FANCD2: variants seen among roughly 807,000 people sequenced by gnomAD.
FANCD2 encodes the protein FA complementation group D2, also known as Fanconi anemia group D2 protein.
A neutral mutation model predicts 192.3 loss-of-function variants in FANCD2; 131 were observed. The observed-to-expected ratio is 0.68, with a 90% CI of 0.59 to 0.79. The LOEUF is 0.79. FANCD2 is among the 30% of genes least tolerant of loss of function. FANCD2 has a pLI of 0.00. For synonymous variants in FANCD2, 524 were observed against 612.5 expected, an observed-to-expected ratio of 0.86 and a Z score of 2.13; for missense variants, 1,508 against 1,701.6, an observed-to-expected ratio of 0.89 and a Z score of 2.00.
chr3:10,088,150 C>T (rs1694346323), intron 34 of FANCD2, among the ~76,000 whole-genome samples: 1 of 152,186 alleles, frequency 6.6e-6, no homozygotes, highest in African/African-American at 2.4e-5. Flanking sequence ...CTTCCCACTG[C>T]CCAGCAGCAT....
Position 10,067,198 on chromosome 3 carries a change from G to T in FANCD2, c.2386-11G>T. The T allele has an allele frequency of 1.3e-6, 2 of 1,533,468 alleles. No homozygotes were observed. Among genetic ancestry groups the T allele is most frequent in the East Asian group, 2.3e-5 (1 of 44,432 alleles). The allele number at this position is 1,533,468 out of a possible 1,614,324, so 95.0% of individuals were successfully genotyped here. ...ATTTGGAAGTATGAGAATGTAATTT[G>T]TACTTTGCAGATTGTAAATGCCTTC... is the stretch of plus-strand genomic sequence containing the variant. On this transcript the variant is annotated splice_polypyrimidine_tract_variant and intron_variant, in intron 25 of 43. Coordinates refer to ENST00000675286, the MANE Select transcript of FANCD2 (RefSeq NM_001018115.3).
chr3:10,084,867 T>C (rs1304109845), intron 32 of FANCD2, among the ~76,000 whole-genome samples: 2 of 152,086 alleles, frequency 1.3e-5, no homozygotes, highest in East Asian at 3.9e-4. Context: ...CATAATACAA[T>C]GAAAGCAGTG....
intron 16 of FANCD2, among the ~76,000 whole-genome samples, chr3:10,048,394 C>T (rs1247451322): frequency 2.0e-5 from 3 of 152,200 alleles, no homozygotes; most frequent in Non-Finnish European, 4.4e-5. Context: ...ACCTTCACCT[C>T]CTGGGTTCAA....
chr3:10,094,205 T>C, intron 39 of FANCD2, 84 bp from the exon 40 acceptor site: 1 of 985,612 alleles, frequency 1.0e-6, no homozygotes. Context: ...AATAAAACCC[T>C]TGGGCTGGAT....
intron 29 of FANCD2, among the ~76,000 whole-genome samples, chr3:10,076,395 T>TTA (rs1559396679): frequency 1.3e-5 from 2 of 152,108 alleles, no homozygotes; most frequent in Admixed American, 6.5e-5. Context: ...ACAGAGGAAT[T>TTA]TATAGAGAAA....
intron 6 of FANCD2, 118 bp from the exon 7 acceptor site, chr3:10,036,169 C>A: frequency 6.1e-6 from 4 of 655,104 alleles, no homozygotes; most frequent in Non-Finnish European, 8.2e-6. Flanking sequence ...TCACTGCAAT[C>A]TCTGCCTTCC....
intron 36 of FANCD2, 123 bp downstream of exon 36, chr3:10,089,073 C>A: frequency 8.7e-7 from 1 of 1,144,268 alleles, no homozygotes; most frequent in Non-Finnish European, 1.3e-6. Flanking sequence ...ACCTTGAGGT[C>A]AGGAGTTTTG....
In FANCD2 at chr3:10,074,550, A is replaced by G; in HGVS notation, c.2736A>G (p.Glu912=). 6.2e-7 allele frequency: 1 copy of G among 1,613,824 alleles called. No homozygotes were observed. Among genetic ancestry groups the G allele is most frequent in the Non-Finnish European group, 8.5e-7 (1 of 1,179,890 alleles). The change falls in exon 29 of 44, where the codon GAA becomes GAG. Residue 912 remains glutamate (E), a synonymous_variant. Transcript: ENST00000675286. ...CATAGGAGTTCACAGGGAAGGAAGAAAAGACATCATTGTTACTACATAATT... is the reference window on the plus strand; with the variant it reads ...CATAGGAGTTCACAGGGAAGGAAGAGAAGACATCATTGTTACTACATAATT... The part of the protein sequence containing the change: ...QLNKEFTGKE[E]KTSLLLHNSH...
At chr3:10,058,558 A>G (rs1468465810) in intron 18 of FANCD2, among the ~76,000 whole-genome samples, 1 of 152,220 alleles carries the variant, frequency 6.6e-6, no homozygotes, top group Non-Finnish European at 1.5e-5. Flanking sequence ...ATTCTTTTGC[A>G]CATGGATATC....
At position 10,095,262 on chromosome 3, in the gene FANCD2, T is replaced by A; in HGVS notation, c.4026T>A (p.Cys1342Ter). 6.2e-7 allele frequency: 1 copy of A among 1,614,092 alleles called. No homozygotes were observed. The highest frequency in any genetic ancestry group is 8.5e-7 in the Non-Finnish European group (1 of 1,179,950). ...ACACAAGGCTGCTTCATCACCTGTG[T>A]GGGCATTCCAAGGTAAGAAGGGGAG... ...QLDTRLLHHL[C>*]GHSKIHQDTR... is the part of the protein sequence containing the mutation. Residue 1342 changes from cysteine to a stop codon, truncating the protein, a stop_gained, in exon 41 of 44, where the codon TGT (cysteine) becomes TGA (stop). Coordinates refer to ENST00000675286, the MANE Select transcript of FANCD2 (RefSeq NM_001018115.3). LOFTEE classifies it high-confidence loss of function.
chr3:10,031,478 G>A (rs1169248975), intron 2 of FANCD2, among the ~76,000 whole-genome samples: 1 of 149,982 alleles, frequency 6.7e-6, no homozygotes, highest in Non-Finnish European at 1.5e-5. Context: ...CTCCAGCCTG[G>A]GCGACAGAGC....
Position 10,072,931 on chromosome 3 carries a change from C to G in FANCD2, c.2555C>G (p.Pro852Arg), listed in dbSNP as rs375827113. The change falls in exon 27 of 44, where the codon CCT (proline) becomes CGT (arginine). Residue 852 changes from proline (P) to arginine (R), a missense_variant. Physicochemically the swap from Pro to Arg is moderately radical, Grantham distance 103. Coordinates refer to ENST00000675286, the MANE Select transcript of FANCD2 (RefSeq NM_001018115.3). Reference protein sequence around the residue: ...NFDVETLDITPHTVTAISAKI... With the variant: ...NFDVETLDITRHTVTAISAKI... The stretch of plus-strand genomic sequence containing the variant: ...GATGTGGAAACTTTAGATATAACAC[C>G]TCATACTGTTACTGCTATTTCAGCA... 35 of 1,611,744 alleles carry G rather than the reference C, an allele frequency of 2.2e-5. 1 individual carries two copies. In the African/African-American group the frequency reaches 4.3e-4, roughly 20 times the overall value.
At chr3:10,071,546 T>A (rs1693246677) in intron 26 of FANCD2, among the ~76,000 whole-genome samples, 1 of 152,154 alleles carries the variant, frequency 6.6e-6, no homozygotes, top group Admixed American at 6.6e-5. Flanking sequence ...ACAATACAGA[T>A]GGAACTGGAG....
intron 7 of FANCD2, among the ~76,000 whole-genome samples, chr3:10,038,790 A>G (rs537148088): frequency 6.6e-6 from 1 of 152,172 alleles, no homozygotes; most frequent in East Asian, 1.9e-4. Flanking sequence ...CGTGTTGGCC[A>G]GGCTGGTCTT....
chr3:10,072,531 G>T (rs1176448804), intron 26 of FANCD2, among the ~76,000 whole-genome samples: 1 of 152,182 alleles, frequency 6.6e-6, no homozygotes, highest in Non-Finnish European at 1.5e-5. Context: ...CGCGCGCCTT[G>T]ACCTCCCAAA....
chr3:10,060,181 AAC>A, intron 18 of FANCD2, 111 bp from the exon 19 acceptor site: 8 of 733,576 alleles, frequency 1.1e-5, no homozygotes, highest in South Asian at 6.5e-5. Flanking sequence ...AAAAAAAAAA[AAC>A]AGTTAGTAAA....
intron 7 of FANCD2, 105 bp from the exon 8 acceptor site, chr3:10,039,174 G>T: frequency 1.3e-6 from 1 of 763,270 alleles, no homozygotes; most frequent in South Asian, 1.7e-5. Flanking sequence ...GTAGGTGTTC[G>T]GTAAATGTTA....
chr3:10,045,744 GGT>G (rs1352117175), intron 14 of FANCD2: 3 of 151,654 alleles, frequency 2.0e-5, no homozygotes, highest in Non-Finnish European at 4.4e-5. Flanking sequence ...TGGGATTACA[GGT>G]GTGTGCTACT....
intron 6 of FANCD2, among the ~76,000 whole-genome samples, chr3:10,035,686 C>T (rs1398892099): frequency 6.6e-6 from 1 of 152,134 alleles, no homozygotes; most frequent in East Asian, 1.9e-4. Flanking sequence ...CTTCCCTCCA[C>T]CCCATTCTCC....
Sources: gnomAD v4.1 joint callset for allele counts (sites outside exome capture counted in the v4.1 genomes callset) on GRCh38, gnomAD v4.1.1 for gene constraint, MANE v1.5 for transcripts, NCBI Gene and HGNC (gene_info 2026-07-23, HGNC 2026-07-21) for gene names.